UPP2: variants seen among roughly 807,000 people sequenced by gnomAD.
UPP2 encodes the protein uridine phosphorylase 2.
A neutral mutation model predicts 26.7 loss-of-function variants in UPP2; 23 were observed. The observed-to-expected ratio is 0.86, with a 90% CI of 0.62 to 1.22. The LOEUF (loss-of-function observed/expected upper bound fraction) is 1.22, where lower values mean the gene tolerates loss of function less well. Ranked by LOEUF, UPP2 falls within the 50% of genes most tolerant of loss-of-function variation. The pLI is 0.00. For missense variants in UPP2, 387 were observed against 396.7 expected (o/e 0.98, Z 0.21); for synonymous variants, 127 against 141.3 (o/e 0.90, Z 0.72).
In UPP2 at chr2:158,033,298, C is replaced by T. The variant is rs182330599; in HGVS notation, c.147+17412C>T. 2.6e-4 allele frequency among the ~76,000 whole-genome samples: 39 copies of T among 152,302 alleles called. 1 individual carries two copies. The highest frequency in any genetic ancestry group is 9.6e-5 in the African/African-American group (4 of 41,576). ...TAGCTCCACTCCCAGGGAGGTCTCT[C>T]TGCCACACTAGAGCCCTGGCGGCAA... On this transcript the variant is annotated intron_variant, in intron 3 of 9. Coordinates refer to the UPP2 transcript ENST00000605860.
upstream of UPP2, among the ~76,000 whole-genome samples, chr2:158,099,696 C>T (rs1683042897): frequency 6.6e-6 from 1 of 152,168 alleles, no homozygotes; most frequent in South Asian, 2.1e-4. Flanking sequence ...TCCAGTTGTA[C>T]ATCAAGACTG....
chr2:158,070,051 G>A (rs1682513674), intron 3 of UPP2, among the ~76,000 whole-genome samples: 1 of 152,216 alleles, frequency 6.6e-6, no homozygotes. Context: ...TGAGTGCAGG[G>A]AGCTTTTTCT....
intron 1 of UPP2, among the ~76,000 whole-genome samples, chr2:158,103,751 G>A (rs963809496): frequency 2.6e-5 from 4 of 152,194 alleles, no homozygotes; most frequent in Non-Finnish European, 4.4e-5. Flanking sequence ...GATTCAGCAG[G>A]TATGGGGTAG....
At chr2:158,131,812 T>C (rs1227040018) in intron 6 of UPP2, among the ~76,000 whole-genome samples, 2 of 152,228 alleles carry the variant, frequency 1.3e-5, no homozygotes, top group South Asian at 2.1e-4. Flanking sequence ...TAATTGCTCA[T>C]GGAAATAGTA....
chr2:158,129,973 A>G (rs1683778395), intron 6 of UPP2, among the ~76,000 whole-genome samples: 1 of 151,946 alleles, frequency 6.6e-6, no homozygotes, highest in South Asian at 2.1e-4. Flanking sequence ...TTGTTTTTGC[A>G]AAGTCGAGGT....
chr2:158,069,005 G>C (rs1682493447), intron 3 of UPP2, among the ~76,000 whole-genome samples: 1 of 150,342 alleles, frequency 6.7e-6, no homozygotes, highest in Non-Finnish European at 1.5e-5. Flanking sequence ...TTTTAGTAGA[G>C]ACGAGGTTTC....
At chr2:158,049,565 A>C (rs1682114118) in intron 3 of UPP2, among the ~76,000 whole-genome samples, 1 of 152,184 alleles carries the variant, frequency 6.6e-6, no homozygotes, top group Non-Finnish European at 1.5e-5. Context: ...TAGGGGTAAT[A>C]CATTAGTGAG....
intron 3 of UPP2, among the ~76,000 whole-genome samples, chr2:158,063,094 T>C (rs1254075288): frequency 6.6e-6 from 1 of 152,200 alleles, no homozygotes; most frequent in Admixed American, 6.5e-5. Context: ...GCAATATAAG[T>C]GTAGCCTTTT....
chr2:158,118,230 G>T (rs1467701094), intron 4 of UPP2, among the ~76,000 whole-genome samples: 2 of 151,728 alleles, frequency 1.3e-5, no homozygotes, highest in Non-Finnish European at 2.9e-5. Flanking sequence ...TTGAGGGTAG[G>T]GGTAAATTTC....
intron 3 of UPP2, among the ~76,000 whole-genome samples, chr2:158,021,031 T>C (rs1462162927): frequency 1.3e-5 from 2 of 152,178 alleles, no homozygotes; most frequent in African/African-American, 2.4e-5. Flanking sequence ...CAGCCTTTAT[T>C]GGGCCATGAA....
intron 3 of UPP2, among the ~76,000 whole-genome samples, chr2:158,068,416 G>A (rs975834900): frequency 2.0e-5 from 3 of 151,974 alleles, no homozygotes; most frequent in African/African-American, 7.3e-5. Flanking sequence ...TTATTCCAAC[G>A]ATCTTGATTT....
intron 3 of UPP2, among the ~76,000 whole-genome samples, chr2:158,079,266 A>G (rs541492676): frequency 1.3e-5 from 2 of 152,202 alleles, no homozygotes; most frequent in South Asian, 2.1e-4. Flanking sequence ...TACACATACT[A>G]TGTACTCACA....
At chr2:158,024,216 G>A (rs1386248437) in intron 3 of UPP2, among the ~76,000 whole-genome samples, 2 of 152,088 alleles carry the variant, frequency 1.3e-5, no homozygotes, top group Non-Finnish European at 2.9e-5. Context: ...AGCATATAAG[G>A]TTTGAGGAAG....
At chr2:158,093,922 A>C (rs1025600284) in intron 3 of UPP2, among the ~76,000 whole-genome samples, 8 of 151,384 alleles carry the variant, frequency 5.3e-5, no homozygotes, top group East Asian at 3.9e-4. Flanking sequence ...AATTGGAAGC[A>C]ACATAAAAAA....
chr2:158,054,297 C>T (rs1249489208), intron 3 of UPP2, among the ~76,000 whole-genome samples: 3 of 150,616 alleles, frequency 2.0e-5, no homozygotes, highest in Non-Finnish European at 4.4e-5. Flanking sequence ...AAGAAAGAAA[C>T]AGTGCAAGAG....
At chr2:158,111,485 C>T (rs1028325699) in intron 2 of UPP2, among the ~76,000 whole-genome samples, 4 of 152,060 alleles carry the variant, frequency 2.6e-5, no homozygotes, top group Non-Finnish European at 4.4e-5. Flanking sequence ...TCATTATAGA[C>T]AGCATATAAT....
intron 5 of UPP2, among the ~76,000 whole-genome samples, chr2:158,122,478 C>T (rs1683590797): frequency 6.6e-6 from 1 of 151,962 alleles, no homozygotes; most frequent in South Asian, 2.1e-4. Context: ...CTGTTGGGGT[C>T]CAATAGGGTT....
intron 3 of UPP2, among the ~76,000 whole-genome samples, chr2:158,081,953 ATT>A (rs201070868): frequency 6.9e-6 from 1 of 144,902 alleles, no homozygotes; most frequent in African/African-American, 2.5e-5. Context: ...TACATGAATA[ATT>A]TTTTTTTTTT....
intron 3 of UPP2, among the ~76,000 whole-genome samples, chr2:158,047,683 G>A (rs977300548): frequency 2.6e-5 from 4 of 152,146 alleles, no homozygotes; most frequent in African/African-American, 9.7e-5. Flanking sequence ...TCATGATAGA[G>A]CCAAATTATA....
Sources: gnomAD v4.1 joint callset for allele counts (sites outside exome capture counted in the v4.1 genomes callset) on GRCh38, gnomAD v4.1.1 for gene constraint, MANE v1.5 for transcripts, NCBI Gene and HGNC (gene_info 2026-07-23, HGNC 2026-07-21) for gene names.